The following ATRNL1 variants were observed in gnomAD, a reference collection of about 807,000 sequenced individuals.
ATRNL1 encodes attractin like 1, also known as attractin-like protein 1.
In ATRNL1, 95 loss-of-function variants were observed where a neutral mutation model predicts 182.7. The ratio of observed to expected loss-of-function variants is 0.52; its 90% CI spans 0.44 to 0.62. ATRNL1 has a LOEUF of 0.62. Ranked by LOEUF, ATRNL1 falls within the 20% of genes least tolerant of loss-of-function variation. The pLI, the probability that ATRNL1 is intolerant of heterozygous loss-of-function variation, is 0.00. For missense variants in ATRNL1, 1,471 were observed against 1,679.5 expected (o/e 0.88, Z 2.17); for synonymous variants, 576 against 568.3 (o/e 1.01, Z -0.19).
chr10:115,798,216 C>A (rs1291675398), intron 27 of ATRNL1, among the ~76,000 whole-genome samples: 1 of 152,306 alleles, frequency 6.6e-6, no homozygotes, highest in African/African-American at 2.4e-5. Flanking sequence ...CGCGCCCAGC[C>A]TCTCAGAGAC....
intron 27 of ATRNL1, among the ~76,000 whole-genome samples, chr10:115,786,718 T>C (rs1307064932): frequency 6.6e-6 from 1 of 152,220 alleles, no homozygotes; most frequent in Non-Finnish European, 1.5e-5. Flanking sequence ...CAACCCAGTA[T>C]GTGTTCTTAC....
intron 26 of ATRNL1, among the ~76,000 whole-genome samples, chr10:115,636,438 A>G (rs1246510565): frequency 6.6e-6 from 1 of 152,182 alleles, no homozygotes; most frequent in Non-Finnish European, 1.5e-5. Context: ...TAAGACCAAC[A>G]TAAGATCGCA....
rs535690432 is a variant in ATRNL1, at chr10:115,730,253, CAAAAAAAAAAAAA to C, written c.3903+2915_3903+2927del. On this transcript the variant is annotated intron_variant, in intron 27 of 28. Transcript: ENST00000355044. ...GCCTGGGCAACAGAGTAGGACTCCT[CAAAAAAAAAAAAA>C]AAAAAAAAAAAAAAAAGAGAGAGAG... is the stretch of plus-strand genomic sequence containing the variant. Among the ~76,000 whole-genome samples the C allele has an allele frequency of 2.3e-4, 14 of 61,434 alleles. No individual in the cohort carries two copies. The South Asian group carries it at 2.5e-3, about 11-fold the overall frequency. 40.3% of individuals were successfully genotyped at this position (61,434 alleles called of 152,430 possible).
intron 5 of ATRNL1, among the ~76,000 whole-genome samples, chr10:115,149,734 G>T (rs985470519): frequency 6.6e-6 from 1 of 151,956 alleles, no homozygotes; most frequent in Non-Finnish European, 1.5e-5. Context: ...GCTGGATTTG[G>T]TATTTTTTGA....
intron 6 of ATRNL1, among the ~76,000 whole-genome samples, 183 bp downstream of exon 6, chr10:115,160,397 G>T (rs1592190031): frequency 6.6e-6 from 1 of 151,762 alleles, no homozygotes; most frequent in Non-Finnish European, 1.5e-5. Context: ...GCACATAGAA[G>T]TATGCTTCAT....
intron 27 of ATRNL1, among the ~76,000 whole-genome samples, chr10:115,744,864 G>A (rs781840358): frequency 6.6e-5 from 10 of 152,042 alleles, no homozygotes; most frequent in Admixed American, 6.6e-5. Flanking sequence ...AATAATGTTA[G>A]CTATTTCTCT....
chr10:115,612,435 G>T (rs1056951282), intron 26 of ATRNL1, among the ~76,000 whole-genome samples: 2 of 152,194 alleles, frequency 1.3e-5, no homozygotes, highest in Non-Finnish European at 2.9e-5. Flanking sequence ...ATTCTGGAGT[G>T]TGCAGTATAG....
intron 26 of ATRNL1, among the ~76,000 whole-genome samples, chr10:115,577,484 A>G (rs1555005699): frequency 1.3e-5 from 2 of 151,720 alleles, no homozygotes; most frequent in East Asian, 3.9e-4. Flanking sequence ...TTTTGATGAC[A>G]ATATAAATGG....
chr10:115,703,439 A>G (rs1946801210), intron 26 of ATRNL1, among the ~76,000 whole-genome samples: 1 of 152,004 alleles, frequency 6.6e-6, no homozygotes, highest in African/African-American at 2.4e-5. Context: ...GAGCTTCTGC[A>G]CAGCAAAAGA....
At chr10:115,177,260 T>G (rs781814013) in intron 8 of ATRNL1, among the ~76,000 whole-genome samples, 4 of 152,092 alleles carry the variant, frequency 2.6e-5, no homozygotes, top group Non-Finnish European at 4.4e-5. Flanking sequence ...TGTGTAGTGA[T>G]GGGGTGAAAG....
intron 20 of ATRNL1, among the ~76,000 whole-genome samples, chr10:115,418,533 T>C (rs1554961311): frequency 6.6e-6 from 1 of 152,046 alleles, no homozygotes; most frequent in Non-Finnish European, 1.5e-5. Context: ...CAAAAACTTA[T>C]TAAAAATAAT....
chr10:115,820,548 T>C (rs1950268465), intron 27 of ATRNL1: 1 of 152,136 alleles, frequency 6.6e-6, no homozygotes, highest in Admixed American at 6.6e-5. Flanking sequence ...TAGTTTGTTT[T>C]TTCCTAATGA....
In ATRNL1 at chr10:115,266,995, T is replaced by C; in HGVS notation, c.1971T>C (p.Pro657=). The C allele has an allele frequency of 6.3e-7, 1 of 1,598,184 alleles. No individual in the cohort carries two copies. Among genetic ancestry groups the C allele is most frequent in the East Asian group, 2.2e-5 (1 of 44,636 alleles). Residue 657 remains proline, a synonymous_variant, in exon 12 of 29, where the codon CCT becomes CCC. Coordinates refer to ENST00000355044, the MANE Select transcript of ATRNL1 (RefSeq NM_207303.4). ...NTNNILRAKC[P]PKTAASDDRC... Reference sequence around the variant, plus strand: ...ATAATATTCTTAGAGCAAAGTGCCCTCCTAAAACAGGTAAATTTCTTTTTC... The same window carrying C: ...ATAATATTCTTAGAGCAAAGTGCCCCCCTAAAACAGGTAAATTTCTTTTTC...
intron 20 of ATRNL1, among the ~76,000 whole-genome samples, chr10:115,398,324 A>C (rs1470108424): frequency 2.0e-5 from 3 of 151,958 alleles, no homozygotes; most frequent in African/African-American, 7.2e-5. Flanking sequence ...TTTTTGGCCC[A>C]AAACACAGCT....
intron 28 of ATRNL1, among the ~76,000 whole-genome samples, chr10:115,866,801 C>T (rs1240400760): frequency 6.6e-6 from 1 of 152,106 alleles, no homozygotes; most frequent in Non-Finnish European, 1.5e-5. Context: ...AAGAGTAATT[C>T]AAAGATCAAA....
rs782134913 is a variant in ATRNL1 at position 115,241,715 on chromosome 10, A to G, written c.1677A>G (p.Ala559=). 1.2e-6 allele frequency: 2 copies of G among 1,609,614 alleles called. No homozygotes were observed. The highest frequency in any genetic ancestry group is 4.5e-5 in the East Asian group (2 of 44,730). ...AATGTTTTTCTGCCGATTTCCTGGC[A>G]TATGACATAGGTATGTATCTGTTAG... is the stretch of plus-strand genomic sequence containing the variant. ...GAKCFSADFL[A]YDIACDEWKI... Residue 559 remains alanine (A), a synonymous_variant, in exon 10 of 29, where the codon GCA becomes GCG. Coordinates refer to ENST00000355044, the MANE Select transcript of ATRNL1 (RefSeq NM_207303.4).
chr10:115,584,506 A>G (rs1855370083), intron 26 of ATRNL1, among the ~76,000 whole-genome samples: 1 of 140,580 alleles, frequency 7.1e-6, no homozygotes, highest in Non-Finnish European at 1.6e-5. Flanking sequence ...GAATTTATCC[A>G]TTTCTTCTAG....
At chr10:115,770,646 T>C (rs1948967120) in intron 27 of ATRNL1, among the ~76,000 whole-genome samples, 1 of 152,170 alleles carries the variant, frequency 6.6e-6, no homozygotes, top group African/African-American at 2.4e-5. Flanking sequence ...CAAACTCTGG[T>C]ATTATATAAA....
At chr10:115,777,309 T>G (rs1403717230) in intron 27 of ATRNL1, among the ~76,000 whole-genome samples, 1 of 152,208 alleles carries the variant, frequency 6.6e-6, no homozygotes, top group Non-Finnish European at 1.5e-5. Flanking sequence ...TATTTACTAG[T>G]AACTGAATAA....
Sources: gnomAD v4.1 joint callset for allele counts (sites outside exome capture counted in the v4.1 genomes callset) on GRCh38, gnomAD v4.1.1 for gene constraint, MANE v1.5 for transcripts, NCBI Gene and HGNC (gene_info 2026-07-23, HGNC 2026-07-21) for gene names.